CCSER2: variants seen among roughly 807,000 people sequenced by gnomAD.
CCSER2 encodes serine-rich coiled-coil domain-containing protein 2.
Under a neutral mutation model 92.3 loss-of-function variants are expected in CCSER2, and 46 were observed. The observed-to-expected ratio is 0.50, with a 90% CI of 0.39 to 0.64. The LOEUF is 0.64. CCSER2 is among the 30% of genes least tolerant of loss of function. The probability of loss-of-function intolerance (pLI) is 0.00; values close to 1 mark genes in which losing one functional copy is unlikely to be tolerated. For missense variants in CCSER2, 1,244 were observed against 1,238.9 expected, an observed-to-expected ratio of 1.00 and a Z score of -0.06; for synonymous variants, 433 against 431.4, an observed-to-expected ratio of 1.00 and a Z score of -0.04.
chr10:84,402,838 A>G (rs972654579), intron 3 of CCSER2, among the ~76,000 whole-genome samples: 4 of 152,186 alleles, frequency 2.6e-5, no homozygotes, highest in African/African-American at 4.8e-5. Context: ...TTTTCAGATG[A>G]CATTCTCTAC....
intron 1 of CCSER2, among the ~76,000 whole-genome samples, chr10:84,366,135 G>A (rs1260609791): frequency 2.0e-5 from 3 of 151,954 alleles, no homozygotes; most frequent in African/African-American, 7.3e-5. Context: ...GTAGAGATGA[G>A]GTCTCACTAT....
At chr10:84,453,847 T>G (rs1342691134) in intron 6 of CCSER2, among the ~76,000 whole-genome samples, 1 of 152,202 alleles carries the variant, frequency 6.6e-6, no homozygotes, top group Non-Finnish European at 1.5e-5. Context: ...TTATCTTTAT[T>G]AATACTTTCC....
chr10:84,466,271 G>A (rs950853986), intron 7 of CCSER2, among the ~76,000 whole-genome samples: 1 of 152,088 alleles, frequency 6.6e-6, no homozygotes, highest in Non-Finnish European at 1.5e-5. Context: ...TGCATCTCGT[G>A]CCATTAAAAT....
In CCSER2 at chr10:84,425,839, A is replaced by G. The variant is rs1426869643; in HGVS notation, c.1814A>G (p.Tyr605Cys). The G allele has an allele frequency of 1.2e-6, 2 of 1,612,902 alleles. No individual in the cohort carries two copies. The highest frequency in any genetic ancestry group is 3.3e-5 in the Admixed American group (2 of 59,888). ...PPQRWSGQEHYHLSHPDHYHH... is the reference protein window; with the variant it reads ...PPQRWSGQEHCHLSHPDHYHH... ...CAGAGGTGGAGTGGACAGGAGCATT[A>G]CCACCTCAGCCACCCTGACCACTAT... Residue 605 changes from tyrosine (Y) to cysteine (C), a missense_variant, in exon 5 of 10, where the codon TAC becomes TGC. Physicochemically the swap from Tyr to Cys is radical, Grantham distance 194. Transcript: ENST00000372088.
chr10:84,434,259 T>A (rs149683647), intron 5 of CCSER2, among the ~76,000 whole-genome samples: 2 of 152,308 alleles, frequency 1.3e-5, no homozygotes, highest in African/African-American at 4.8e-5. Context: ...CTGCATCATC[T>A]TCTCAGAATC....
chr10:84,462,070 T>C (rs79628325), intron 6 of CCSER2, among the ~76,000 whole-genome samples: 2,419 of 152,298 alleles, frequency 0.016, 27 homozygotes, highest in Non-Finnish European at 0.024. Flanking sequence ...TTCCAGAGGC[T>C]AGTCTGGGAC....
intron 6 of CCSER2, among the ~76,000 whole-genome samples, chr10:84,457,382 A>T (rs1375190329): frequency 2.1e-5 from 2 of 94,704 alleles, no homozygotes; most frequent in Non-Finnish European, 3.8e-5. Context: ...ATATATTTTA[A>T]ATATATATTT....
At chr10:84,441,280 G>T (rs890015028) in intron 6 of CCSER2, among the ~76,000 whole-genome samples, 6 of 151,998 alleles carry the variant, frequency 3.9e-5, no homozygotes, top group Non-Finnish European at 8.8e-5. Flanking sequence ...TGATATTCCA[G>T]CTGTCTGTTT....
chr10:84,421,723 A>G (rs557184826), intron 4 of CCSER2, among the ~76,000 whole-genome samples: 2 of 152,288 alleles, frequency 1.3e-5, no homozygotes, highest in South Asian at 2.1e-4. Context: ...ACACACCTAT[A>G]ACAAAAGACA....
intron 1 of CCSER2, among the ~76,000 whole-genome samples, chr10:84,329,067 C>T (rs1732919633): frequency 6.6e-6 from 1 of 152,038 alleles, no homozygotes; most frequent in Non-Finnish European, 1.5e-5. Context: ...GGGCCGCGGG[C>T]GCCGCCGCCT....
intron 3 of CCSER2, among the ~76,000 whole-genome samples, chr10:84,394,932 A>T (rs1176129250): frequency 6.6e-6 from 1 of 152,118 alleles, no homozygotes; most frequent in African/African-American, 2.4e-5. Context: ...ATTTGTTAAT[A>T]AACAGAGTAG....
At chr10:84,487,213 T>G (rs1224482056) in intron 9 of CCSER2, among the ~76,000 whole-genome samples, 1 of 152,154 alleles carries the variant, frequency 6.6e-6, no homozygotes, top group Non-Finnish European at 1.5e-5. Context: ...CTTAGGATAG[T>G]CTTGAAAATG....
chr10:84,433,751 ATTC>A (rs771010956), intron 5 of CCSER2, among the ~76,000 whole-genome samples: 9 of 152,062 alleles, frequency 5.9e-5, no homozygotes, highest in Non-Finnish European at 1.2e-4. Flanking sequence ...TCTCTTCAAG[ATTC>A]TTTTCTCTAG....
chr10:84,396,185 CTGTGTG>C (rs11467455), intron 3 of CCSER2, among the ~76,000 whole-genome samples: 1,479 of 145,784 alleles, frequency 0.01, 17 homozygotes, highest in African/African-American at 0.032. Flanking sequence ...TTATTCAACA[CTGTGTG>C]TGTGTGTGTG....
chr10:84,452,101 C>A (rs563118872), intron 6 of CCSER2: 1 of 152,332 alleles, frequency 6.6e-6, no homozygotes, highest in African/African-American at 2.4e-5. Flanking sequence ...TGCTCCCTTT[C>A]CTAGGATGCC....
At chr10:84,412,184 G>T (rs1374781973) in intron 3 of CCSER2, among the ~76,000 whole-genome samples, 1 of 152,060 alleles carries the variant, frequency 6.6e-6, no homozygotes, top group African/African-American at 2.4e-5. Context: ...ACTGCCTTCT[G>T]TTTGCCAGTA....
chr10:84,432,434 G>A (rs567052056), intron 5 of CCSER2, among the ~76,000 whole-genome samples: 2 of 152,192 alleles, frequency 1.3e-5, no homozygotes, highest in African/African-American at 2.4e-5. Flanking sequence ...AGTCCCCAGC[G>A]TCTGTGTTAC....
intron 7 of CCSER2, among the ~76,000 whole-genome samples, chr10:84,466,876 G>GTTTC (rs1177028316): frequency 6.6e-6 from 1 of 151,956 alleles, no homozygotes; most frequent in Non-Finnish European, 1.5e-5. Flanking sequence ...CAGTTACAGG[G>GTTTC]GAAAAGTGTC....
intron 7 of CCSER2, among the ~76,000 whole-genome samples, chr10:84,468,209 T>C (rs1846567926): frequency 6.6e-6 from 1 of 152,180 alleles, no homozygotes; most frequent in Non-Finnish European, 1.5e-5. Flanking sequence ...ATCCTTTAAC[T>C]AAAATTCCAA....
Sources: allele counts gnomAD v4.1 joint callset (sites outside exome capture counted in the v4.1 genomes callset), GRCh38; gene constraint gnomAD v4.1.1; transcripts MANE v1.5; gene names NCBI Gene and HGNC (gene_info 2026-07-23, HGNC 2026-07-21).